Variants in KRT2 observed in about 807,000 individuals in gnomAD.
KRT2 encodes the protein keratin, type II cytoskeletal 2 epidermal.
Under a neutral mutation model 48.5 loss-of-function variants are expected in KRT2, and 37 were observed. The observed-to-expected ratio is 0.76, with a 90% confidence interval of 0.59 to 1.00. The LOEUF (loss-of-function observed/expected upper bound fraction) is 1.00. Ranked by LOEUF, KRT2 falls within the 50% of genes least tolerant of loss-of-function variation. The probability of loss-of-function intolerance (pLI) is 0.00; values close to 1 mark genes in which losing one functional copy is unlikely to be tolerated. For synonymous variants in KRT2, 324 were observed against 312.2 expected, an observed-to-expected ratio of 1.04 and a Z score of -0.40; for missense variants, 880 against 815.2, an observed-to-expected ratio of 1.08 and a Z score of -0.97.
Position 52,647,732 on chromosome 12 carries a change from GCTT to G in KRT2, c.1243_1245del (p.Lys415del). 1 of 1,613,690 alleles carries G rather than the reference GCTT, an allele frequency of 6.2e-7. No individual in the cohort carries two copies. Among genetic ancestry groups the G allele is most frequent in the African/African-American group, 1.3e-5 (1 of 75,002 alleles). On this transcript the variant is annotated inframe_deletion, in exon 6 of 9. Coordinates refer to ENST00000309680, the MANE Select transcript of KRT2 (RefSeq NM_000423.3). ...CGCTGGACAGGGCTGGGCCTCACCT[GCTT>G]CTTCACATGTGCGATCTCCCCCTGC...
chr12:52,651,484 G>T, intron 1 of KRT2, 74 bp downstream of exon 1: 2 of 1,142,842 alleles, frequency 1.8e-6, no homozygotes, highest in Non-Finnish European at 1.3e-6. Flanking sequence ...ACAAATCTGT[G>T]CCATTTTCTT....
At position 52,651,723 on chromosome 12, in the gene KRT2, GCCACCAGGACCCCCTAAACCTCCAACA is replaced by G. The variant is rs1226964578; in HGVS notation, c.393_419del (p.Val132_Gly140del). 2.5e-6 allele frequency: 4 copies of G among 1,614,044 alleles called. No individual in the cohort carries two copies. Among genetic ancestry groups the G allele is most frequent in the East Asian group, 4.5e-5 (2 of 44,870 alleles). On this transcript the variant is annotated inframe_deletion, in exon 1 of 9. Coordinates refer to ENST00000309680, the MANE Select transcript of KRT2 (RefSeq NM_000423.3). ...CACCAGGGTATCCTCCAGGCCCAAA[GCCACCAGGACCCCCTAAACCTCCAACA>G]CCACCAGGGCCCCCAAAACCTCCAA...
rs775570054 is a variant in KRT2, at chr12:52,649,975, C to T, written c.801-1G>A. On this transcript the variant is annotated splice_acceptor_variant, in intron 2 of 8. Coordinates refer to ENST00000309680, the MANE Select transcript of KRT2 (RefSeq NM_000423.3). LOFTEE classifies it high-confidence loss of function. ...GCGCTTATTGATTTCATCCTCATAC[C>T]TATTGGGACACAGATGTTACAGCAG... The T allele has an allele frequency of 2.5e-6, 4 of 1,607,758 alleles. No individual in the cohort carries two copies. In the South Asian group the frequency reaches 4.4e-5, roughly 18 times the overall value.
In KRT2 at chr12:52,648,171, G is replaced by A; in HGVS notation, c.1122+2C>T. On this transcript the variant is annotated splice_donor_variant, in intron 5 of 8. Coordinates refer to ENST00000309680, the MANE Select transcript of KRT2 (RefSeq NM_000423.3). LOFTEE classifies it low-confidence loss of function (GC_TO_GT_DONOR). Reference sequence around the variant, plus strand: ...GGCTCTTCCTACATTCCCTCTACTTGCCTTGCTGTGGTACAGGGCCTCCGC... The same window carrying A: ...GGCTCTTCCTACATTCCCTCTACTTACCTTGCTGTGGTACAGGGCCTCCGC... 1 of 1,614,014 alleles carries A rather than the reference G, an allele frequency of 6.2e-7. No individual in the cohort carries two copies.
At position 52,651,970 on chromosome 12, in the gene KRT2, A is replaced by C; in HGVS notation, c.173T>G (p.Phe58Cys). 1 of 1,613,534 alleles carries C rather than the reference A, an allele frequency of 6.2e-7. No homozygotes were observed. Among genetic ancestry groups the C allele is most frequent in the South Asian group, 1.1e-5 (1 of 91,050 alleles). ...GGGGGFGGGG[F>C]GSRSLVGLGG... ...AAGGCCAACAAGACTCCGACTGCCA[A>C]AGCCGCCTCCACCGAAGCCCCCGCC... is the stretch of plus-strand genomic sequence containing the variant. The change falls in exon 1 of 9, where the codon TTT (phenylalanine) becomes TGT (cysteine). Residue 58 changes from phenylalanine to cysteine, a missense_variant. By Grantham distance (205) the Phe-to-Cys change is radical (BLOSUM62 -2). Coordinates refer to ENST00000309680, the MANE Select transcript of KRT2 (RefSeq NM_000423.3).
rs539847568 is a variant in KRT2, at chr12:52,648,780, A to G, written c.957+227T>C. Among the ~76,000 whole-genome samples, 184 of 152,172 alleles carry G rather than the reference A, an allele frequency of 1.2e-3. 4 individuals carry two copies. The South Asian group carries it at 0.038, about 31-fold the overall frequency. On this transcript the variant is annotated intron_variant, in intron 4 of 8. Coordinates refer to ENST00000309680, the MANE Select transcript of KRT2 (RefSeq NM_000423.3). The stretch of plus-strand genomic sequence containing the variant: ...GACATCTGGGGAATGGAGGGAGGGG[A>G]AGCTGTCCTGGTGTTTCCTGAACCT...
rs1941136840 is a variant in KRT2 at position 52,644,836 on chromosome 12, CT to C, written c.*182del. The C allele has an allele frequency of 4.5e-6, 3 of 666,016 alleles. No individual in the cohort carries two copies. Among genetic ancestry groups the C allele is most frequent in the Non-Finnish European group, 7.6e-6 (3 of 397,156 alleles). 41.3% of individuals were successfully genotyped at this position (666,016 alleles called of 1,614,324 possible). A position where few individuals can be genotyped will look rare whatever the true frequency, so the allele number is the denominator to read the frequency against. On this transcript the variant is annotated 3_prime_UTR_variant, in exon 9 of 9. Transcript: ENST00000309680. ...AACACAGAGGCGTCACTGGCTCTAA[CT>C]AACTGGTTTGGAGAGAAGATCTTTC... is the stretch of plus-strand genomic sequence containing the variant.
intron 3 of KRT2, 82 bp from the exon 4 acceptor site, chr12:52,649,184 C>G (rs1398804491): frequency 1.2e-6 from 1 of 859,796 alleles, no homozygotes; most frequent in African/African-American, 1.7e-5. Flanking sequence ...CTACTCAGTC[C>G]CTGCTGGCTC....
chr12:52,651,449 G>A lies in KRT2; in HGVS notation c.585+109C>T, dbSNP rs185578146. On this transcript the variant is annotated intron_variant, in intron 1 of 8. Coordinates refer to ENST00000309680, the MANE Select transcript of KRT2 (RefSeq NM_000423.3). ...AACCGCAAATGACCCAGGCTACTGC[G>A]GTACACCACTGGCTCCTAAGAAATA... is the stretch of plus-strand genomic sequence containing the variant. 4,430 of 885,292 alleles carry A rather than the reference G, an allele frequency of 5.0e-3. 26 individuals are homozygous for A. Among genetic ancestry groups the A allele is most frequent in the African/African-American group, 0.013 (781 of 61,228 alleles). The allele number at this position is 885,292 out of a possible 1,614,324, so 54.8% of individuals were successfully genotyped here.
intron 1 of KRT2, 80 bp from the exon 2 acceptor site, chr12:52,650,633 A>G: frequency 8.5e-7 from 1 of 1,172,430 alleles, no homozygotes. Flanking sequence ...GGGGCAGCTC[A>G]GGTGCTGCTT....
intron 1 of KRT2, 138 bp downstream of exon 1, chr12:52,651,420 T>C: frequency 1.3e-6 from 1 of 743,316 alleles, no homozygotes; most frequent in South Asian, 1.5e-5. Context: ...CTTTTCCATC[T>C]GGAAACCGCA....
chr12:52,647,443 A>G (rs141130472), intron 6 of KRT2, among the ~76,000 whole-genome samples: 1 of 152,346 alleles, frequency 6.6e-6, no homozygotes, highest in Non-Finnish European at 1.5e-5. Context: ...CAAATCAATC[A>G]AACTAACGTT....
In KRT2 at chr12:52,646,879, C is replaced by T. The variant is rs1941174109; in HGVS notation, c.1330G>A (p.Asp444Asn). ...GCCTGCTGCAGGGCCTCCTCCAGGTCATTCAACTTGTTCCTGGCATCCTTG... is the reference window on the plus strand; with the variant it reads ...GCCTGCTGCAGGGCCTCCTCCAGGTTATTCAACTTGTTCCTGGCATCCTTG... ...ALKDARNKLN[D>N]LEEALQQAKE... The change falls in exon 7 of 9, where the codon GAC becomes AAC. Residue 444 changes from aspartate to asparagine, a missense_variant. Transcript: ENST00000309680. 1.2e-6 allele frequency: 2 copies of T among 1,614,236 alleles called. No homozygotes were observed. The highest frequency in any genetic ancestry group is 1.7e-6 in the Non-Finnish European group (2 of 1,180,024).
intron 3 of KRT2, among the ~76,000 whole-genome samples, chr12:52,649,495 C>T (rs940473856): frequency 1.3e-5 from 2 of 152,184 alleles, no homozygotes; most frequent in African/African-American, 4.8e-5. Context: ...ACACCAAAGG[C>T]CCTGCAGGAC....
chr12:52,644,908 A>G lies in KRT2; in HGVS notation c.*111T>C. ...CTTTTCCCTCAAAGTGCCATCAGAG[A>G]TAAATGACAAAAATTTAACTTGCTG... On this transcript the variant is annotated 3_prime_UTR_variant, in exon 9 of 9. Coordinates refer to ENST00000309680, the MANE Select transcript of KRT2 (RefSeq NM_000423.3). 1 of 1,168,908 alleles carries G rather than the reference A, an allele frequency of 8.6e-7. No individual in the cohort carries two copies. The highest frequency in any genetic ancestry group is 1.3e-6 in the Non-Finnish European group (1 of 797,056). 72.4% of individuals were successfully genotyped at this position (1,168,908 alleles called of 1,614,324 possible). A position where few individuals can be genotyped will look rare whatever the true frequency, so the allele number is the denominator to read the frequency against.
In KRT2 at chr12:52,644,695, G is replaced by A. The variant is rs1941135094; in HGVS notation, c.*324C>T. On this transcript the variant is annotated 3_prime_UTR_variant, in exon 9 of 9. Coordinates refer to ENST00000309680, the MANE Select transcript of KRT2 (RefSeq NM_000423.3). ...GCTTAGAGATGAAATCCCTGGATGG[G>A]CCTGGGTCCTCAACAGAATACACAT... 2.5e-6 allele frequency: 1 copy of A among 402,102 alleles called. No individual in the cohort carries two copies. Among genetic ancestry groups the A allele is most frequent in the Non-Finnish European group, 4.6e-6 (1 of 217,486 alleles). 24.9% of individuals were successfully genotyped at this position (402,102 alleles called of 1,614,324 possible).
Position 52,647,937 on chromosome 12 carries a change from G to C in KRT2, c.1123-82C>G, listed in dbSNP as rs920637608. 3 of 1,575,748 alleles carry C rather than the reference G, an allele frequency of 1.9e-6. No individual in the cohort carries two copies. In the East Asian group the frequency reaches 6.7e-5, roughly 35 times the overall value. ...AGACTGACTGGAGTGAAGGAGAGCT[G>C]GTTACTGGTCCAGGGAGGGTCAACC... On this transcript the variant is annotated intron_variant, in intron 5 of 8. Coordinates refer to ENST00000309680, the MANE Select transcript of KRT2 (RefSeq NM_000423.3).
intron 5 of KRT2, 121 bp downstream of exon 5, chr12:52,648,052 G>A: frequency 7.8e-7 from 1 of 1,281,818 alleles, no homozygotes; most frequent in Non-Finnish European, 1.1e-6. Context: ...TCCTTTCTTG[G>A]GAATGGTGCC....
In KRT2 at chr12:52,648,260, C is replaced by G. The variant is rs780407606; in HGVS notation, c.1035G>C (p.Leu345Phe). 11 of 1,614,098 alleles carry G rather than the reference C, an allele frequency of 6.8e-6. No homozygotes were observed. The highest frequency in any genetic ancestry group is 9.3e-6 in the Non-Finnish European group (11 of 1,179,986). ...LSMDNSRNLD[L>F]DSIIAEVKAQ... ...CCTTGACCTCGGCGATGATGCTATC[C>G]AAGTCCAGGTTGCGGCTGTTGTCCA... is the stretch of plus-strand genomic sequence containing the variant. The change falls in exon 5 of 9, where the codon TTG becomes TTC. Residue 345 changes from leucine (L) to phenylalanine (F), a missense_variant. Transcript: ENST00000309680.
Sources: allele counts gnomAD v4.1 joint callset (sites outside exome capture counted in the v4.1 genomes callset), GRCh38; gene constraint gnomAD v4.1.1; transcripts MANE v1.5; gene names NCBI Gene and HGNC (gene_info 2026-07-23, HGNC 2026-07-21).